Variants in KLHL29 observed in about 807,000 individuals in gnomAD.
The protein encoded by KLHL29 is kelch-like protein 29.
KLHL29 carries 21 observed loss-of-function variants against 80.4 expected under a neutral mutation model. The ratio of observed to expected loss-of-function variants is 0.26; its 90% CI spans 0.19 to 0.38. The LOEUF is 0.38. KLHL29 is among the 10% of genes least tolerant of loss of function. The pLI, the probability that KLHL29 is intolerant of heterozygous loss-of-function variation, is 1.00. For synonymous variants in KLHL29, 511 were observed against 526.8 expected (o/e 0.97, Z 0.41); for missense variants, 867 against 1,223.9 (o/e 0.71, Z 4.35).
intron 3 of KLHL29, among the ~76,000 whole-genome samples, chr2:23,610,589 C>T (rs1233879764): frequency 6.6e-6 from 1 of 152,214 alleles, no homozygotes; most frequent in Non-Finnish European, 1.5e-5. Flanking sequence ...CTGAAATTTT[C>T]AGTTTCATCA....
intron 6 of KLHL29, chr2:23,689,756 G>A (rs1005646014): frequency 4.6e-5 from 7 of 152,434 alleles, no homozygotes; most frequent in Admixed American, 3.9e-4. Context: ...GCAAAGACAG[G>A]AGTACGAGGT....
intron 2 of KLHL29, among the ~76,000 whole-genome samples, chr2:23,486,056 G>A (rs773793104): frequency 2.0e-5 from 3 of 152,022 alleles, no homozygotes; most frequent in Non-Finnish European, 2.9e-5. Context: ...TGCAGCCTTC[G>A]CTTGCTGAAT....
chr2:23,650,369 G>A (rs932101412), intron 5 of KLHL29, among the ~76,000 whole-genome samples: 10 of 146,178 alleles, frequency 6.8e-5, no homozygotes, highest in Non-Finnish European at 1.5e-4. Context: ...ACACACACAC[G>A]TGTGCACACA....
chr2:23,417,920 G>T (rs540533026), intron 1 of KLHL29, among the ~76,000 whole-genome samples: 1 of 152,142 alleles, frequency 6.6e-6, no homozygotes, highest in East Asian at 1.9e-4. Context: ...TTTCTTTTTG[G>T]TGCCCTGTAG....
Position 23,613,763 on chromosome 2 carries a change from C to CAAAAAAAAAAAAA in KLHL29, c.286-25361_286-25349dup, listed in dbSNP as rs1157736706. 2.4e-3 allele frequency among the ~76,000 whole-genome samples: 156 copies of CAAAAAAAAAAAAA among 63,696 alleles called. 15 individuals are homozygous for CAAAAAAAAAAAAA. The highest frequency in any genetic ancestry group is 0.011 in the African/African-American group (119 of 11,256). 41.8% of individuals were successfully genotyped at this position (63,696 alleles called of 152,430 possible). A position where few individuals can be genotyped will look rare whatever the true frequency, so the allele number is the denominator to read the frequency against. ...TGGGCGGCAGGGCAAGACTCCATCT[C>CAAAAAAAAAAAAA]AAAAAAAAAAAAAAAAAAAAAAAAA... is the stretch of plus-strand genomic sequence containing the variant. On this transcript the variant is annotated intron_variant, in intron 3 of 13. Transcript: ENST00000486442.
At chr2:23,448,631 A>T (rs1366467409) in intron 1 of KLHL29, among the ~76,000 whole-genome samples, 1 of 152,004 alleles carries the variant, frequency 6.6e-6, no homozygotes, top group Non-Finnish European at 1.5e-5. Context: ...GAGAATCAGG[A>T]CTCTATTGCA....
chr2:23,525,966 T>C (rs1558373403), intron 2 of KLHL29, among the ~76,000 whole-genome samples: 1 of 152,196 alleles, frequency 6.6e-6, no homozygotes, highest in Admixed American at 6.5e-5. Flanking sequence ...CATCTGGCCA[T>C]GGCAAGTCAC....
intron 1 of KLHL29, among the ~76,000 whole-genome samples, chr2:23,447,643 T>G (rs1313810818): frequency 6.6e-6 from 1 of 152,184 alleles, no homozygotes; most frequent in African/African-American, 2.4e-5. Flanking sequence ...AGTCTCAGTG[T>G]CTAAACCGTT....
chr2:23,555,070 G>A (rs112709686), intron 2 of KLHL29, among the ~76,000 whole-genome samples: 1 of 152,128 alleles, frequency 6.6e-6, no homozygotes. Flanking sequence ...CAGGCCCTGG[G>A]GCTAGTGACA....
chr2:23,657,779 G>T (rs1430752523), intron 5 of KLHL29, among the ~76,000 whole-genome samples: 1 of 152,154 alleles, frequency 6.6e-6, no homozygotes, highest in Admixed American at 6.5e-5. Flanking sequence ...TCGGGAGTGG[G>T]GGACCGGCCT....
chr2:23,699,485 C>T (rs766735702), intron 11 of KLHL29, among the ~76,000 whole-genome samples: 2 of 152,230 alleles, frequency 1.3e-5, no homozygotes, highest in Non-Finnish European at 2.9e-5. Context: ...GATATTCCAG[C>T]TTCCCCATGA....
At chr2:23,619,690 A>C (rs1470821310) in intron 3 of KLHL29, among the ~76,000 whole-genome samples, 5 of 152,070 alleles carry the variant, frequency 3.3e-5, no homozygotes, top group African/African-American at 9.7e-5. Flanking sequence ...ATTAGAAAGG[A>C]CTCAGAAGTT....
At chr2:23,679,916 C>T (rs1370618052) in intron 5 of KLHL29, among the ~76,000 whole-genome samples, 3 of 152,060 alleles carry the variant, frequency 2.0e-5, no homozygotes, top group Non-Finnish European at 4.4e-5. Flanking sequence ...GGGACGGAGA[C>T]TTGGAGTGGG....
At chr2:23,528,835 C>T (rs746665972) in intron 2 of KLHL29, among the ~76,000 whole-genome samples, 15 of 152,228 alleles carry the variant, frequency 9.9e-5, no homozygotes, top group Admixed American at 5.9e-4. Context: ...CGCAGCCTGA[C>T]TCGCAGTGCT....
At position 23,647,998 on chromosome 2, in the gene KLHL29, C is replaced by A. The variant is rs946175146; in HGVS notation, c.940+5148C>A. 5.2e-4 allele frequency among the ~76,000 whole-genome samples: 79 copies of A among 152,146 alleles called. No homozygotes were observed. Among genetic ancestry groups the A allele is most frequent in the African/African-American group, 1.8e-3 (76 of 41,428 alleles). On this transcript the variant is annotated intron_variant, in intron 5 of 13. Transcript: ENST00000486442. The surrounding 1 kb of genome is among the most constrained non-coding windows in gnomAD (Gnocchi z 4.9). Reference sequence around the variant, plus strand: ...AAAGCACTGAGCTGAGAATCACCCACCAGGGTTCTGTGACTTCCCCTTCCC... The same window carrying A: ...AAAGCACTGAGCTGAGAATCACCCAACAGGGTTCTGTGACTTCCCCTTCCC...
intron 3 of KLHL29, among the ~76,000 whole-genome samples, chr2:23,571,190 C>T (rs1484950997): frequency 6.6e-6 from 1 of 152,258 alleles, no homozygotes; most frequent in Admixed American, 6.5e-5. Context: ...CCAGATTCTT[C>T]ACCTACTACT....
chr2:23,465,065 T>C (rs950928456), intron 1 of KLHL29, among the ~76,000 whole-genome samples: 15 of 152,242 alleles, frequency 9.9e-5, no homozygotes, highest in African/African-American at 3.6e-4. Flanking sequence ...ACATGGTTGC[T>C]GCACGGCCGA....
At chr2:23,416,653 C>T (rs1015697240) in intron 1 of KLHL29, among the ~76,000 whole-genome samples, 4 of 152,198 alleles carry the variant, frequency 2.6e-5, no homozygotes, top group Non-Finnish European at 5.9e-5. Context: ...TGAAACTCTT[C>T]CTGGAGAAGC....
At position 23,618,940 on chromosome 2, in the gene KLHL29, C is replaced by T. The variant is rs560895418; in HGVS notation, c.286-20199C>T. Among the ~76,000 whole-genome samples the T allele has an allele frequency of 3.9e-5, 6 of 152,324 alleles. No homozygotes were observed. The East Asian group carries it at 9.7e-4, about 25-fold the overall frequency. On this transcript the variant is annotated intron_variant, in intron 3 of 13. Transcript: ENST00000486442. The stretch of plus-strand genomic sequence containing the variant: ...CCTCTCTGCTGAGAACATCAGAGGC[C>T]GTGAACTGTGTGAATAGAAATGAGG...
Sources: allele counts gnomAD v4.1 joint callset (sites outside exome capture counted in the v4.1 genomes callset), GRCh38; gene constraint gnomAD v4.1.1; non-coding constraint Gnocchi (gnomAD v3.1); transcripts MANE v1.5; gene names NCBI Gene and HGNC (gene_info 2026-07-23, HGNC 2026-07-21).